PPRC1: variants seen among roughly 807,000 people sequenced by gnomAD.
The protein encoded by PPRC1 is peroxisome proliferator-activated receptor gamma coactivator-related protein 1.
PPRC1 carries 23 observed loss-of-function variants against 132.5 expected under a neutral mutation model. The ratio of observed to expected loss-of-function variants is 0.17; its 90% CI spans 0.12 to 0.25. The LOEUF is 0.25. Among genes scored for constraint, PPRC1 ranks in the 10% least tolerant of loss-of-function variants. The pLI, the probability that PPRC1 is intolerant of heterozygous loss-of-function variation, is 1.00. For missense variants in PPRC1, 2,006 were observed against 2,089.1 expected, an observed-to-expected ratio of 0.96 and a Z score of 0.78; for synonymous variants, 872 against 833.5, an observed-to-expected ratio of 1.05 and a Z score of -0.80.
Position 102,140,188 on chromosome 10 carries a change from G to T in PPRC1, c.1680G>T (p.Lys560Asn), listed in dbSNP as rs775665380. ...AKEGPLDLYP[K>N]LADTIQTNPI... ...AAGGCCCTCTAGACCTCTACCCAAA[G>T]CTGGCTGACACTATCCAAACCAATC... Residue 560 changes from lysine to asparagine, a missense_variant, in exon 5 of 14, where the codon AAG becomes AAT. Lys to Asn is a moderately conservative substitution (Grantham distance 94, BLOSUM62 0). Transcript: ENST00000278070. 4 of 1,614,210 alleles carry T rather than the reference G, an allele frequency of 2.5e-6. No individual in the cohort carries two copies. Among genetic ancestry groups the T allele is most frequent in the Non-Finnish European group, 3.4e-6 (4 of 1,180,044 alleles).
chr10:102,129,397 C>T (rs1314211636), upstream of PPRC1, among the ~76,000 whole-genome samples: 2 of 152,062 alleles, frequency 1.3e-5, no homozygotes, highest in Non-Finnish European at 2.9e-5. Context: ...GTCACAACAC[C>T]CCTGTTCAGG....
chr10:102,134,199 T>G (rs890509066), intron 1 of PPRC1, among the ~76,000 whole-genome samples: 1 of 152,060 alleles, frequency 6.6e-6, no homozygotes, highest in African/African-American at 2.4e-5. Context: ...CTCTCCTCAC[T>G]TTTTCCTCCA....
the PPRC1 span, among the ~76,000 whole-genome samples, chr10:102,121,857 A>G: frequency 1.3e-5 from 2 of 152,120 alleles, no homozygotes; most frequent in Non-Finnish European, 1.5e-5. Flanking sequence ...CAGAGTCTGC[A>G]CAGCTGGCTT....
chr10:102,141,183 T>G lies in PPRC1; in HGVS notation c.2675T>G (p.Leu892Arg). Reference sequence around the variant, plus strand: ...GGTGGGCTTGGCATGCCCCCCAGTCTGCCCCCACCTCCCTTGCAGCCTCCT... The same window carrying G: ...GGTGGGCTTGGCATGCCCCCCAGTCGGCCCCCACCTCCCTTGCAGCCTCCT... ...PAGGLGMPPS[L>R]PPPPLQPPSL... The change falls in exon 5 of 14, where the codon CTG becomes CGG. Residue 892 changes from leucine (L) to arginine (R), a missense_variant. Transcript: ENST00000278070. The G allele has an allele frequency of 1.9e-6, 3 of 1,613,992 alleles. No individual in the cohort carries two copies. Among genetic ancestry groups the G allele is most frequent in the Non-Finnish European group, 2.5e-6 (3 of 1,179,942 alleles).
the PPRC1 span, among the ~76,000 whole-genome samples, chr10:102,123,623 G>A: frequency 6.6e-6 from 1 of 151,818 alleles, no homozygotes; most frequent in African/African-American, 2.4e-5. Context: ...CACCTCTCCA[G>A]TTCAAGCAAT....
At position 102,150,193 on chromosome 10, in the gene PPRC1, G is replaced by T. The variant is rs989102716; in HGVS notation, c.*164G>T. On this transcript the variant is annotated 3_prime_UTR_variant, in exon 14 of 14. Coordinates refer to ENST00000278070, the MANE Select transcript of PPRC1 (RefSeq NM_015062.5). The stretch of plus-strand genomic sequence containing the variant: ...ATGTTGAATCAGATTTTTTAAAAGG[G>T]GTATTTGTTTTTTTATAACAGGTAT... The T allele has an allele frequency of 3.5e-6, 2 of 572,228 alleles. No individual in the cohort carries two copies. The highest frequency in any genetic ancestry group is 3.8e-5 in the African/African-American group (2 of 53,038). The allele number at this position is 572,228 out of a possible 1,614,324, so 35.4% of individuals were successfully genotyped here. A position where few individuals can be genotyped will look rare whatever the true frequency, so the allele number is the denominator to read the frequency against.
intron 8 of PPRC1, among the ~76,000 whole-genome samples, chr10:102,145,568 A>T (rs1158373562): frequency 4.8e-5 from 6 of 124,504 alleles, no homozygotes; most frequent in Non-Finnish European, 8.5e-5. Context: ...AAGACTATCT[A>T]AAAAAAAAAA....
At chr10:102,143,021 A>T in intron 5 of PPRC1, 24 bp from the exon 6 acceptor site, 2 of 1,605,584 alleles carry the variant, frequency 1.2e-6, no homozygotes, top group Non-Finnish European at 1.7e-6. Flanking sequence ...CTCGTTTTCA[A>T]TCCTGTGTTG....
chr10:102,137,915 G>C lies in PPRC1; in HGVS notation c.219G>C (p.Leu73=), dbSNP rs2068786403. 2.5e-6 allele frequency: 4 copies of C among 1,614,186 alleles called. No individual in the cohort carries two copies. In the East Asian group the frequency reaches 8.9e-5, roughly 36 times the overall value. The change falls in exon 2 of 14, where the codon CTG becomes CTC. Residue 73 remains leucine (L), a synonymous_variant. Transcript: ENST00000278070. ...GTCTCTCTCGGCTGGGCCCATCTCT[G>C]AGGGACAAGGACCTGGAAATGGAGG... ...FVSLSRLGPS[L]RDKDLEMEEL...
intron 9 of PPRC1, among the ~76,000 whole-genome samples, chr10:102,147,959 C>T (rs1390842841): frequency 6.6e-6 from 1 of 152,160 alleles, no homozygotes; most frequent in Non-Finnish European, 1.5e-5. Flanking sequence ...CTCTCATGGT[C>T]ACAGTATTTC....
chr10:102,126,521 C>A, the PPRC1 span, among the ~76,000 whole-genome samples: 25 of 146,824 alleles, frequency 1.7e-4, no homozygotes, highest in Non-Finnish European at 3.3e-4. Context: ...TGCGGTGGTG[C>A]GATCTCAGCT....
In PPRC1 at chr10:102,141,178, C is replaced by G; in HGVS notation, c.2670C>G (p.Pro890=). 6.2e-7 allele frequency: 1 copy of G among 1,614,048 alleles called. No individual in the cohort carries two copies. Among genetic ancestry groups the G allele is most frequent in the Non-Finnish European group, 8.5e-7 (1 of 1,179,980 alleles). The change falls in exon 5 of 14, where the codon CCC becomes CCG. Residue 890 remains proline (P), a synonymous_variant. Transcript: ENST00000278070. Reference sequence around the variant, plus strand: ...CTGCAGGTGGGCTTGGCATGCCCCCCAGTCTGCCCCCACCTCCCTTGCAGC... The same window carrying G: ...CTGCAGGTGGGCTTGGCATGCCCCCGAGTCTGCCCCCACCTCCCTTGCAGC... ...PFPAGGLGMP[P]SLPPPPLQPP...
intron 6 of PPRC1, 112 bp from the exon 7 acceptor site, chr10:102,144,138 G>A: frequency 1.0e-6 from 1 of 982,380 alleles, no homozygotes; most frequent in Non-Finnish European, 1.6e-6. Flanking sequence ...TCCCAACAGG[G>A]AATATGTAGG....
upstream of PPRC1, among the ~76,000 whole-genome samples, chr10:102,130,215 G>A (rs1260261548): frequency 2.0e-5 from 3 of 151,580 alleles, no homozygotes; most frequent in African/African-American, 7.3e-5. Context: ...AGGAAATCGA[G>A]ACCATCCTGG....
At chr10:102,137,133 G>A (rs2068755787) in intron 1 of PPRC1, among the ~76,000 whole-genome samples, 1 of 152,212 alleles carries the variant, frequency 6.6e-6, no homozygotes, top group Admixed American at 6.5e-5. Context: ...GAGATTTGGA[G>A]TTTGAGACCA....
the PPRC1 span, among the ~76,000 whole-genome samples, chr10:102,121,200 A>G: frequency 6.6e-6 from 1 of 151,938 alleles, no homozygotes; most frequent in Admixed American, 6.6e-5. Context: ...ATAGGAGGCC[A>G]TCCTTCCTTC....
rs1046278692 is a variant in PPRC1 at position 102,150,180 on chromosome 10, A to G, written c.*151A>G. 10 of 606,344 alleles carry G rather than the reference A, an allele frequency of 1.6e-5. No homozygotes were observed. The highest frequency in any genetic ancestry group is 2.9e-5 in the Non-Finnish European group (10 of 344,602). The allele number at this position is 606,344 out of a possible 1,614,324, so 37.6% of individuals were successfully genotyped here. ...TGAAATAAAAAATATGTTGAATCAG[A>G]TTTTTTAAAAGGGGTATTTGTTTTT... On this transcript the variant is annotated 3_prime_UTR_variant, in exon 14 of 14. Transcript: ENST00000278070.
In PPRC1 at chr10:102,149,335, T is replaced by C. The variant is rs2069411353; in HGVS notation, c.4891+6T>C. On this transcript the variant is annotated splice_donor_region_variant and intron_variant, in intron 13 of 13. Transcript: ENST00000278070. ...GAGGAGCTATTCTGATCTTGGTGAG[T>C]GGAGGGAGGGCCTAAAGCTTTGGAA... The C allele has an allele frequency of 7.0e-6, 11 of 1,572,710 alleles. No individual in the cohort carries two copies. The highest frequency in any genetic ancestry group is 9.5e-6 in the Non-Finnish European group (11 of 1,157,122).
At chr10:102,142,926 T>G (rs2069059450) in intron 5 of PPRC1, 119 bp from the exon 6 acceptor site, 2 of 837,264 alleles carry the variant, frequency 2.4e-6, no homozygotes, top group Admixed American at 5.2e-5. Flanking sequence ...CTTGGTTCAC[T>G]TAGTACAGAG....
Sources: gnomAD v4.1 joint callset for allele counts (sites outside exome capture counted in the v4.1 genomes callset) on GRCh38, gnomAD v4.1.1 for gene constraint, MANE v1.5 for transcripts, NCBI Gene and HGNC (gene_info 2026-07-23, HGNC 2026-07-21) for gene names.